HS6ST3: variants seen among roughly 807,000 people sequenced by gnomAD.
The protein encoded by HS6ST3 is heparan-sulfate 6-O-sulfotransferase 3.
In HS6ST3, 12 loss-of-function variants were observed where a neutral mutation model predicts 36.7. That is an observed-to-expected ratio of 0.33 (90% CI 0.21 to 0.53). HS6ST3 has a LOEUF of 0.53. Among genes scored for constraint, HS6ST3 ranks in the 20% least tolerant of loss-of-function variants. The pLI is 0.95. For synonymous variants in HS6ST3, 240 were observed against 257.5 expected (o/e 0.93, Z 0.65); for missense variants, 584 against 640.9 (o/e 0.91, Z 0.96).
intron 1 of HS6ST3, among the ~76,000 whole-genome samples, chr13:96,244,410 T>C (rs1314096936): frequency 6.6e-6 from 1 of 152,186 alleles, no homozygotes; most frequent in Non-Finnish European, 1.5e-5. Context: ...CAGAGTTCTT[T>C]TGCATGAAAA....
intron 1 of HS6ST3, among the ~76,000 whole-genome samples, chr13:96,815,014 C>T (rs1441269940): frequency 6.6e-6 from 1 of 152,178 alleles, no homozygotes; most frequent in Non-Finnish European, 1.5e-5. Flanking sequence ...TCATTACATT[C>T]ATCTGTCTCT....
intron 1 of HS6ST3, among the ~76,000 whole-genome samples, chr13:96,564,449 C>A (rs1292393317): frequency 6.6e-6 from 1 of 152,152 alleles, no homozygotes; most frequent in African/African-American, 2.4e-5. Flanking sequence ...TAGCACCTTG[C>A]ATAATGAATG....
chr13:96,533,584 C>T (rs537402965), intron 1 of HS6ST3, among the ~76,000 whole-genome samples: 57 of 152,306 alleles, frequency 3.7e-4, no homozygotes, highest in Non-Finnish European at 6.0e-4. Context: ...AAGACATCAA[C>T]GGGGGCAGAT....
intron 1 of HS6ST3, among the ~76,000 whole-genome samples, chr13:96,788,700 G>A (rs1877713110): frequency 6.6e-6 from 1 of 151,734 alleles, no homozygotes; most frequent in African/African-American, 2.4e-5. Flanking sequence ...GTTTTTTGAA[G>A]TTCTATTGTT....
At chr13:96,521,637 A>T (rs1482919389) in intron 1 of HS6ST3, among the ~76,000 whole-genome samples, 1 of 152,136 alleles carries the variant, frequency 6.6e-6, no homozygotes, top group Non-Finnish European at 1.5e-5. Flanking sequence ...GCTTATTTGC[A>T]TAGAGGTGTT....
intron 1 of HS6ST3, among the ~76,000 whole-genome samples, chr13:96,172,917 T>A (rs916950543): frequency 6.6e-6 from 1 of 152,210 alleles, no homozygotes; most frequent in Non-Finnish European, 1.5e-5. Flanking sequence ...ACATGTTATC[T>A]CATTTAAATC....
chr13:96,635,214 G>C (rs540118627), intron 1 of HS6ST3, among the ~76,000 whole-genome samples: 2 of 151,532 alleles, frequency 1.3e-5, no homozygotes, highest in East Asian at 3.9e-4. Context: ...ATATGAGTCT[G>C]TTTCCCTTAG....
intron 1 of HS6ST3, among the ~76,000 whole-genome samples, chr13:96,655,238 C>T (rs2056620848): frequency 6.6e-6 from 1 of 152,108 alleles, no homozygotes; most frequent in African/African-American, 2.4e-5. Context: ...ATGATAAGGA[C>T]TAGAAAGACG....
intron 1 of HS6ST3, among the ~76,000 whole-genome samples, chr13:96,758,924 A>G (rs971201991): frequency 1.3e-5 from 2 of 151,514 alleles, no homozygotes; most frequent in African/African-American, 2.4e-5. Flanking sequence ...ATATGTTACA[A>G]TTTTCTATTA....
chr13:96,684,917 T>A (rs1448866711), intron 1 of HS6ST3, among the ~76,000 whole-genome samples: 1 of 152,114 alleles, frequency 6.6e-6, no homozygotes, highest in Non-Finnish European at 1.5e-5. Flanking sequence ...ATAATACATA[T>A]ATAATGCATA....
At chr13:96,488,601 G>T (rs16953449) in intron 1 of HS6ST3, among the ~76,000 whole-genome samples, 1 of 151,898 alleles carries the variant, frequency 6.6e-6, no homozygotes, top group African/African-American at 2.4e-5. Context: ...TAGTTTTTTC[G>T]CCCTAAAGTG....
chr13:96,138,593 G>A (rs750098751), intron 1 of HS6ST3, among the ~76,000 whole-genome samples: 9 of 151,830 alleles, frequency 5.9e-5, no homozygotes, highest in East Asian at 1.9e-4. Context: ...GTTTCCTTGC[G>A]TCACTTTAAA....
chr13:96,172,527 C>A (rs1476000828), intron 1 of HS6ST3, among the ~76,000 whole-genome samples: 3 of 152,156 alleles, frequency 2.0e-5, no homozygotes, highest in African/African-American at 7.2e-5. Context: ...GATTTTATAA[C>A]AAACATTTGC....
At chr13:96,394,998 G>T (rs729174) in intron 1 of HS6ST3, among the ~76,000 whole-genome samples, 1 of 151,936 alleles carries the variant, frequency 6.6e-6, no homozygotes, top group Non-Finnish European at 1.5e-5. Context: ...TGCCACCTCT[G>T]CCTGTTTACA....
At chr13:96,331,181 G>A (rs1378800440) in intron 1 of HS6ST3, among the ~76,000 whole-genome samples, 1 of 152,180 alleles carries the variant, frequency 6.6e-6, no homozygotes, top group African/African-American at 2.4e-5. Context: ...CTCTCAGCTC[G>A]TCAAAGTCAT....
intron 1 of HS6ST3, among the ~76,000 whole-genome samples, chr13:96,521,319 G>T (rs1398441991): frequency 6.6e-6 from 1 of 152,026 alleles, no homozygotes; most frequent in African/African-American, 2.4e-5. Flanking sequence ...CTCTTTTTTT[G>T]TGGCGTGTCT....
chr13:96,245,055 A>T (rs2054578255), intron 1 of HS6ST3, among the ~76,000 whole-genome samples: 1 of 152,186 alleles, frequency 6.6e-6, no homozygotes, highest in Non-Finnish European at 1.5e-5. Context: ...TACTTGGTTG[A>T]ATGAGATCAG....
chr13:96,356,346 A>G (rs1052937528), intron 1 of HS6ST3, among the ~76,000 whole-genome samples: 3 of 152,174 alleles, frequency 2.0e-5, no homozygotes, highest in Non-Finnish European at 4.4e-5. Flanking sequence ...TACTTTGTCC[A>G]GATTCATCAG....
Position 96,494,753 on chromosome 13 carries a change from G to T in HS6ST3, c.708-337737G>T, listed in dbSNP as rs1202572226. Among the ~76,000 whole-genome samples, 4 of 152,016 alleles carry T rather than the reference G, an allele frequency of 2.6e-5. No homozygotes were observed. In the East Asian group the frequency reaches 7.7e-4, roughly 29 times the overall value. On this transcript the variant is annotated intron_variant, in intron 1 of 1. Coordinates refer to ENST00000376705, the MANE Select transcript of HS6ST3 (RefSeq NM_153456.4). ...AGCACGTCTTCGGTATACATATGCT[G>T]GTTCAACCCCATTAGTGTGGGATAT...
Sources: allele counts gnomAD v4.1 joint callset (sites outside exome capture counted in the v4.1 genomes callset), GRCh38; gene constraint gnomAD v4.1.1; transcripts MANE v1.5; gene names NCBI Gene and HGNC (gene_info 2026-07-23, HGNC 2026-07-21).